The following MED13L variants were observed in gnomAD, a reference collection of about 807,000 sequenced individuals.
MED13L encodes mediator of RNA polymerase II transcription subunit 13-like.
A neutral mutation model predicts 220.9 loss-of-function variants in MED13L; 7 were observed. The ratio of observed to expected loss-of-function variants is 0.03; its 90% confidence interval spans 0.02 to 0.06. MED13L has a LOEUF of 0.06. Among genes scored for constraint, MED13L ranks in the 10% least tolerant of loss-of-function variants. MED13L has a pLI of 1.00. For missense variants in MED13L, 1,965 were observed against 2,760.5 expected, an observed-to-expected ratio of 0.71 and a Z score of 6.46; for synonymous variants, 1,011 against 1,015.2, an observed-to-expected ratio of 1.00 and a Z score of 0.08.
chr12:116,139,147 T>C (rs1283496601), intron 2 of MED13L, among the ~76,000 whole-genome samples: 1 of 152,086 alleles, frequency 6.6e-6, no homozygotes, highest in Non-Finnish European at 1.5e-5. Context: ...GCCCTCACAC[T>C]GCTAAGCAAA....
chr12:116,210,458 G>T (rs1882616924), intron 2 of MED13L, among the ~76,000 whole-genome samples: 1 of 149,054 alleles, frequency 6.7e-6, no homozygotes, highest in Admixed American at 6.7e-5. Context: ...TTATTTCGTG[G>T]AATACATATG....
At chr12:116,261,573 T>C (rs537825529) in intron 1 of MED13L, among the ~76,000 whole-genome samples, 1 of 152,242 alleles carries the variant, frequency 6.6e-6, no homozygotes, top group East Asian at 1.9e-4. Context: ...CACTACTCCT[T>C]GCTTTAAAAC....
intron 21 of MED13L, 60 bp downstream of exon 21, chr12:115,983,056 GA>G: frequency 6.5e-7 from 1 of 1,548,760 alleles, no homozygotes; most frequent in East Asian, 2.2e-5. Flanking sequence ...AAAAGGTGCA[GA>G]AGAAGAAGAG....
chr12:116,011,849 G>C (rs1219770150), intron 9 of MED13L, among the ~76,000 whole-genome samples: 3 of 152,194 alleles, frequency 2.0e-5, no homozygotes. Context: ...GGGGAGAAGA[G>C]GAAAACGTGT....
chr12:116,154,326 C>T (rs1428981533), intron 2 of MED13L, among the ~76,000 whole-genome samples: 1 of 152,186 alleles, frequency 6.6e-6, no homozygotes, highest in Non-Finnish European at 1.5e-5. Flanking sequence ...TGGATCCTCA[C>T]TCACACCTGC....
chr12:115,980,700 G>T, intron 23 of MED13L, 50 bp downstream of exon 23: 1 of 1,573,400 alleles, frequency 6.4e-7, no homozygotes, highest in East Asian at 2.2e-5. Flanking sequence ...ACCTCTTCTA[G>T]CTTGCATTTT....
intron 2 of MED13L, among the ~76,000 whole-genome samples, chr12:116,150,261 C>T (rs1308393575): frequency 6.6e-6 from 1 of 152,194 alleles, no homozygotes; most frequent in African/African-American, 2.4e-5. Flanking sequence ...AACAAACCAC[C>T]AAGTGTCTAG....
intron 2 of MED13L, among the ~76,000 whole-genome samples, chr12:116,183,044 T>G (rs528568867): frequency 4.6e-5 from 7 of 152,080 alleles, no homozygotes; most frequent in African/African-American, 9.7e-5. Context: ...CTTAAGAGTT[T>G]ACAAATTTGA....
At chr12:116,074,616 G>A (rs1360954988) in intron 4 of MED13L, among the ~76,000 whole-genome samples, 1 of 152,158 alleles carries the variant, frequency 6.6e-6, no homozygotes, top group Admixed American at 6.5e-5. Context: ...TTACTATTAA[G>A]CACCAGTCAC....
intron 2 of MED13L, among the ~76,000 whole-genome samples, chr12:116,213,683 G>C (rs1882840398): frequency 6.6e-6 from 1 of 152,182 alleles, no homozygotes; most frequent in Non-Finnish European, 1.5e-5. Context: ...AAAGTGCTGG[G>C]ATTACAGGCG....
intron 2 of MED13L, among the ~76,000 whole-genome samples, chr12:116,181,664 G>T (rs1231997424): frequency 2.0e-5 from 3 of 151,982 alleles, no homozygotes; most frequent in African/African-American, 4.8e-5. Flanking sequence ...ACCATGCCCG[G>T]CTAATTTTTT....
At chr12:116,240,841 T>C (rs991189472) in intron 1 of MED13L, among the ~76,000 whole-genome samples, 1 of 151,696 alleles carries the variant, frequency 6.6e-6, no homozygotes, top group African/African-American at 2.4e-5. Flanking sequence ...AGGTGTATGT[T>C]TTAATCAGAA....
At chr12:115,963,279 G>T in intron 30 of MED13L, 128 bp downstream of exon 30, 1 of 768,732 alleles carries the variant, frequency 1.3e-6, no homozygotes, top group Non-Finnish European at 2.3e-6. Flanking sequence ...TGACTCATCA[G>T]ATACTGTATC....
chr12:116,212,647 A>G (rs1593171129), intron 2 of MED13L, among the ~76,000 whole-genome samples: 1 of 152,200 alleles, frequency 6.6e-6, no homozygotes, highest in African/African-American at 2.4e-5. Context: ...AATCTCCTGC[A>G]GCTCACATAA....
chr12:116,002,914 A>G (rs952802528), intron 14 of MED13L, 89 bp downstream of exon 14: 16 of 1,087,384 alleles, frequency 1.5e-5, no homozygotes, highest in Non-Finnish European at 2.1e-5. Context: ...GAAATTTCAG[A>G]TAAAGATAAA....
chr12:115,966,119 C>T lies in MED13L; in HGVS notation c.6350G>A (p.Cys2117Tyr), dbSNP rs1204272801. ...AGGGCACTGGTTTTGAGCCTGGGGA[C>T]ACGATGACCAAAACCACTGGGGAAG... ...ENLPQWFWSS[C>Y]PQAQNQCPLF... Residue 2117 changes from cysteine (C) to tyrosine (Y), a missense_variant, in exon 29 of 31, where the codon TGT becomes TAT. By Grantham distance (194) the Cys-to-Tyr change is radical. This residue lies in a region of MED13L where 145 missense variants were observed against 328.3 expected (regional missense o/e 0.44). Coordinates refer to ENST00000281928, the MANE Select transcript of MED13L (RefSeq NM_015335.5). 1.9e-6 allele frequency: 3 copies of T among 1,614,136 alleles called. No homozygotes were observed. The highest frequency in any genetic ancestry group is 2.2e-5 in the East Asian group (1 of 44,878).
chr12:116,025,667 T>TA (rs1210109666), intron 4 of MED13L, among the ~76,000 whole-genome samples: 1 of 152,148 alleles, frequency 6.6e-6, no homozygotes, highest in Non-Finnish European at 1.5e-5. Context: ...ATGTGGAATC[T>TA]AAAAAACCTG....
chr12:116,235,282 ACTC>A (rs1869973788), intron 2 of MED13L, among the ~76,000 whole-genome samples: 1 of 152,162 alleles, frequency 6.6e-6, no homozygotes, highest in African/African-American at 2.4e-5. Context: ...GAGGAGACGC[ACTC>A]AATGAAATTA....
intron 1 of MED13L, among the ~76,000 whole-genome samples, chr12:116,251,352 G>A (rs558883190): frequency 7.6e-6 from 1 of 132,186 alleles, no homozygotes; most frequent in East Asian, 2.2e-4. Context: ...ACTAGAGATG[G>A]GGTTTCACTG....
Sources: allele counts gnomAD v4.1 joint callset (sites outside exome capture counted in the v4.1 genomes callset), GRCh38; gene constraint gnomAD v4.1.1; regional missense constraint gnomAD v4.1.1; transcripts MANE v1.5; gene names NCBI Gene and HGNC (gene_info 2026-07-23, HGNC 2026-07-21).